NUP93: variants seen among roughly 807,000 people sequenced by gnomAD.
NUP93 encodes nuclear pore complex protein Nup93.
NUP93 carries 55 observed loss-of-function variants against 107.8 expected under a neutral mutation model. That is an observed-to-expected ratio of 0.51 (90% CI 0.41 to 0.64). The LOEUF (loss-of-function observed/expected upper bound fraction) is 0.64. Among genes scored for constraint, NUP93 ranks in the 30% least tolerant of loss-of-function variants. NUP93 has a pLI of 0.00. For missense variants in NUP93, 937 were observed against 1,044.7 expected (o/e 0.90, Z 1.42); for synonymous variants, 390 against 397.5 (o/e 0.98, Z 0.22).
intron 5 of NUP93, among the ~76,000 whole-genome samples, chr16:56,815,621 G>A (rs1963404504): frequency 6.6e-6 from 1 of 152,178 alleles, no homozygotes; most frequent in Non-Finnish European, 1.5e-5. Context: ...AGTGATAACA[G>A]CTAGTGTTTA....
At chr16:56,739,552 G>T (rs1304925590) in intron 1 of NUP93, among the ~76,000 whole-genome samples, 1 of 110,038 alleles carries the variant, frequency 9.1e-6, no homozygotes, top group Non-Finnish European at 1.9e-5. Context: ...CCTCCCGGAC[G>T]GGGCGGCTGG....
At chr16:56,760,844 G>A (rs1277223338) in intron 3 of NUP93, among the ~76,000 whole-genome samples, 1 of 152,084 alleles carries the variant, frequency 6.6e-6, no homozygotes, top group African/African-American at 2.4e-5. Context: ...GCTACAGGGG[G>A]AGGCTGAGGC....
In NUP93 at chr16:56,846,931, CAGAG is replaced by C. The variant is rs1207804245; in HGVS notation, c.*2326_*2329del. The stretch of plus-strand genomic sequence containing the variant: ...TTGCATCCTGCAGTTCTACTTGTCT[CAGAG>C]AGAACTGCACACCAGCCCTGCATCC... On this transcript the variant is annotated 3_prime_UTR_variant, in exon 22 of 22. Coordinates refer to ENST00000308159, the MANE Select transcript of NUP93 (RefSeq NM_014669.5). The C allele has an allele frequency of 6.6e-6, 1 of 152,150 alleles. No individual in the cohort carries two copies. Among genetic ancestry groups the C allele is most frequent in the Non-Finnish European group, 1.5e-5 (1 of 68,038 alleles). 9.4% of individuals were successfully genotyped at this position (152,150 alleles called of 1,614,324 possible). A position where few individuals can be genotyped will look rare whatever the true frequency, so the allele number is the denominator to read the frequency against.
rs1262189130 is a variant in NUP93, at chr16:56,847,877, C to T, written c.*3268C>T. The T allele has an allele frequency of 6.6e-6, 1 of 152,180 alleles. No individual in the cohort carries two copies. The highest frequency in any genetic ancestry group is 1.5e-5 in the Non-Finnish European group (1 of 68,034). 9.4% of individuals were successfully genotyped at this position (152,180 alleles called of 1,614,324 possible). On this transcript the variant is annotated 3_prime_UTR_variant, in exon 22 of 22. Coordinates refer to ENST00000308159, the MANE Select transcript of NUP93 (RefSeq NM_014669.5). ...GACAATTTGGCAGCCACTGTTAACT[C>T]TTGATGCATCATTTAAATCCTAGAA...
At chr16:56,761,264 A>G (rs987875582) in intron 3 of NUP93, among the ~76,000 whole-genome samples, 27 of 152,222 alleles carry the variant, frequency 1.8e-4, no homozygotes, top group African/African-American at 5.8e-4. Context: ...ACCTGTGCTT[A>G]ATAAACTTCC....
At chr16:56,792,957 C>T (rs767549156) in intron 3 of NUP93, among the ~76,000 whole-genome samples, 12 of 152,068 alleles carry the variant, frequency 7.9e-5, no homozygotes, top group Non-Finnish European at 1.8e-4. Flanking sequence ...AATTTTTGCT[C>T]AAGTTAGTTA....
intron 5 of NUP93, among the ~76,000 whole-genome samples, chr16:56,818,363 C>A (rs1963475812): frequency 6.6e-6 from 1 of 152,194 alleles, no homozygotes; most frequent in African/African-American, 2.4e-5. Context: ...GCTTGAGATT[C>A]AAACAGAATG....
At chr16:56,784,822 T>C (rs1275672682) in intron 3 of NUP93, among the ~76,000 whole-genome samples, 1 of 152,202 alleles carries the variant, frequency 6.6e-6, no homozygotes, top group African/African-American at 2.4e-5. Context: ...CTAGCTCTTG[T>C]TGCACTAGCT....
chr16:56,834,290 T>G (rs766001923), intron 14 of NUP93, 36 bp downstream of exon 14: 2 of 1,613,344 alleles, frequency 1.2e-6, no homozygotes, highest in South Asian at 2.2e-5. Flanking sequence ...TTCAGCTAGT[T>G]TCAATTTCTG....
At chr16:56,805,148 C>A (rs1434403332) in intron 4 of NUP93, among the ~76,000 whole-genome samples, 4 of 152,060 alleles carry the variant, frequency 2.6e-5, no homozygotes, top group Admixed American at 6.6e-5. Flanking sequence ...GCCTCGACTT[C>A]CTGGGCTCAA....
intron 4 of NUP93, among the ~76,000 whole-genome samples, chr16:56,805,090 C>T (rs1379415691): frequency 6.6e-6 from 1 of 151,940 alleles, no homozygotes; most frequent in African/African-American, 2.4e-5. Context: ...CAGGGTTTTG[C>T]TCTGTCACCC....
intron 3 of NUP93, among the ~76,000 whole-genome samples, chr16:56,764,644 A>T (rs1962186529): frequency 6.6e-6 from 1 of 152,172 alleles, no homozygotes; most frequent in South Asian, 2.1e-4. Context: ...CACTAATTGG[A>T]TGTTTGTAGT....
intron 1 of NUP93, among the ~76,000 whole-genome samples, chr16:56,732,683 G>A (rs1392011569): frequency 6.6e-6 from 1 of 152,186 alleles, no homozygotes; most frequent in Non-Finnish European, 1.5e-5. Context: ...GTGCCAAGGA[G>A]GGGGACAGGT....
At chr16:56,740,828 G>C (rs936847362) in intron 1 of NUP93, 1 of 181,800 alleles carries the variant, frequency 5.5e-6, no homozygotes, top group African/African-American at 2.4e-5. Context: ...GCTGGAGACC[G>C]GCCCGGCCAA....
At chr16:56,836,964 C>G (rs1221356598) in intron 17 of NUP93, among the ~76,000 whole-genome samples, 2 of 152,226 alleles carry the variant, frequency 1.3e-5, no homozygotes, top group Non-Finnish European at 2.9e-5. Context: ...GAACTGTTGT[C>G]TCACTTGGCA....
intron 5 of NUP93, among the ~76,000 whole-genome samples, chr16:56,816,603 A>G (rs1277285484): frequency 3.3e-5 from 5 of 152,152 alleles, no homozygotes; most frequent in East Asian, 1.9e-4. Flanking sequence ...CCCCGCCTCA[A>G]CCCTCCAATC....
At chr16:56,799,019 A>G (rs1245781037) in intron 4 of NUP93, among the ~76,000 whole-genome samples, 1 of 152,072 alleles carries the variant, frequency 6.6e-6, no homozygotes, top group Non-Finnish European at 1.5e-5. Flanking sequence ...ATGCTTTATA[A>G]CTCTGTATGT....
chr16:56,776,973 C>T (rs1962426324), intron 3 of NUP93, among the ~76,000 whole-genome samples: 1 of 152,052 alleles, frequency 6.6e-6, no homozygotes, highest in African/African-American at 2.4e-5. Flanking sequence ...TCATTTGTTC[C>T]CTCTGTCTAA....
chr16:56,740,169 G>A (rs1224903992), intron 1 of NUP93, among the ~76,000 whole-genome samples: 15 of 145,520 alleles, frequency 1.0e-4, no homozygotes, highest in South Asian at 2.3e-4. Flanking sequence ...GCCGGGCGGA[G>A]ACGCTCCTCA....
Sources: gnomAD v4.1 joint callset for allele counts (sites outside exome capture counted in the v4.1 genomes callset) on GRCh38, gnomAD v4.1.1 for gene constraint, MANE v1.5 for transcripts, NCBI Gene and HGNC (gene_info 2026-07-23, HGNC 2026-07-21) for gene names.